Variants in MFSD8 observed in about 807,000 individuals in gnomAD.
MFSD8 encodes major facilitator superfamily domain containing 8.
In MFSD8, 55 loss-of-function variants were observed where a neutral mutation model predicts 66.4. The observed-to-expected ratio is 0.83, with a 90% CI of 0.67 to 1.04. The LOEUF (loss-of-function observed/expected upper bound fraction) is 1.04, where lower values mean the gene tolerates loss of function less well. Ranked by LOEUF, MFSD8 falls within the 50% of genes least tolerant of loss-of-function variation. The probability of loss-of-function intolerance (pLI) is 0.00; values close to 1 mark genes in which losing one functional copy is unlikely to be tolerated. For synonymous variants in MFSD8, 202 were observed against 212.8 expected, an observed-to-expected ratio of 0.95 and a Z score of 0.44; for missense variants, 550 against 627.6, an observed-to-expected ratio of 0.88 and a Z score of 1.32.
chr4:127,942,759 A>C (rs943836392), intron 4 of MFSD8, among the ~76,000 whole-genome samples: 1 of 152,210 alleles, frequency 6.6e-6, no homozygotes, highest in Non-Finnish European at 1.5e-5. Flanking sequence ...TTTTAAAAGA[A>C]AAGTATTACA....
intron 5 of MFSD8, among the ~76,000 whole-genome samples, chr4:127,941,784 G>A (rs767759409): frequency 2.0e-5 from 3 of 151,884 alleles, no homozygotes; most frequent in Non-Finnish European, 4.4e-5. Context: ...TTAACACTCA[G>A]CAAAAGGGTG....
At position 127,921,961 on chromosome 4, in the gene MFSD8, A is replaced by G. The variant is rs1232482449; in HGVS notation, c.1001T>C (p.Ile334Thr). 1.2e-6 allele frequency: 2 copies of G among 1,613,584 alleles called. No individual in the cohort carries two copies. Among genetic ancestry groups the G allele is most frequent in the Admixed American group, 3.3e-5 (2 of 59,992 alleles). ...TCCCAGTAGAATAGCACGCTCGCCA[A>G]TCCTGTTAAAGAACAGAAACTCTGT... ...FLGVKLLSKKIGERAILLGGL... is the reference protein window; with the variant it reads ...FLGVKLLSKKTGERAILLGGL... Residue 334 changes from isoleucine (I) to threonine (T), a missense_variant and splice_region_variant, in exon 10 of 12, where the codon ATT (isoleucine) becomes ACT (threonine). Transcript: ENST00000641686.
At chr4:127,938,591 AAAAATAAATAAATAAATAAAT>A (rs1560744624) in intron 7 of MFSD8, among the ~76,000 whole-genome samples, 171 bp downstream of exon 7, 1 of 138,270 alleles carries the variant, frequency 7.2e-6, no homozygotes, top group African/African-American at 3.0e-5. Flanking sequence ...TCAAAAAAAA[AAAAATAAATAAATAAATAAAT>A]AAATAAATAA....
At chr4:127,956,005 G>A (rs1560773911) in intron 2 of MFSD8, among the ~76,000 whole-genome samples, 1 of 152,014 alleles carries the variant, frequency 6.6e-6, no homozygotes, top group African/African-American at 2.4e-5. Flanking sequence ...TGTAGTCCCA[G>A]CTACTCGGGA....
chr4:127,924,190 G>A (rs1736822493), intron 9 of MFSD8, among the ~76,000 whole-genome samples: 1 of 152,126 alleles, frequency 6.6e-6, no homozygotes, highest in Non-Finnish European at 1.5e-5. Context: ...GGTCAATTCA[G>A]GGATTCGACT....
chr4:127,943,390 G>GTTTTT, intron 4 of MFSD8: 1 of 197,162 alleles, frequency 5.1e-6, no homozygotes, highest in Non-Finnish European at 1.0e-5. Flanking sequence ...TTTGTTTTGG[G>GTTTTT]TTTTTTTTTT....
At chr4:127,932,404 A>T (rs1356399315) in intron 8 of MFSD8, 1 of 152,434 alleles carries the variant, frequency 6.6e-6, no homozygotes, top group African/African-American at 2.4e-5. Flanking sequence ...GAAAAAACAC[A>T]AACTAAAGTA....
chr4:127,954,099 CA>C (rs1326021060), intron 2 of MFSD8, among the ~76,000 whole-genome samples: 1 of 152,152 alleles, frequency 6.6e-6, no homozygotes, highest in Non-Finnish European at 1.5e-5. Context: ...AAAACTATCA[CA>C]ATATTGATCA....
At chr4:127,963,292 A>G (rs1454179437) in intron 1 of MFSD8, among the ~76,000 whole-genome samples, 1 of 152,216 alleles carries the variant, frequency 6.6e-6, no homozygotes, top group Non-Finnish European at 1.5e-5. Flanking sequence ...TATCTATTAA[A>G]ACCATCATTT....
intron 6 of MFSD8, 38 bp from the exon 7 acceptor site, chr4:127,938,876 G>A: frequency 3.4e-6 from 5 of 1,479,154 alleles, no homozygotes; most frequent in Non-Finnish European, 4.7e-6. Context: ...CCTATAAAAT[G>A]CTTAATAGAG....
Position 127,943,835 on chromosome 4 carries a change from C to T in MFSD8, c.356G>A (p.Cys119Tyr). 3 of 1,614,134 alleles carry T rather than the reference C, an allele frequency of 1.9e-6. No homozygotes were observed. The highest frequency in any genetic ancestry group is 2.5e-6 in the Non-Finnish European group (3 of 1,180,028). ...TGGGATGTGGAGATATGCATAGAGG[C>T]AGTTGGCTGCCACGGAAATCAAGAT... ...VSILISVAANCLYAYLHIPAS... is the reference protein window; with the variant it reads ...VSILISVAANYLYAYLHIPAS... Residue 119 changes from cysteine to tyrosine, a missense_variant, in exon 4 of 12, where the codon TGC becomes TAC. Transcript: ENST00000641686.
intron 9 of MFSD8, among the ~76,000 whole-genome samples, chr4:127,928,905 G>A (rs534016702): frequency 2.6e-5 from 4 of 152,256 alleles, no homozygotes; most frequent in African/African-American, 9.6e-5. Flanking sequence ...TTCAGCCATT[G>A]AAACCATGAA....
chr4:127,937,033 CCT>C (rs1285579964), intron 7 of MFSD8, among the ~76,000 whole-genome samples: 2 of 152,206 alleles, frequency 1.3e-5, no homozygotes, highest in Non-Finnish European at 2.9e-5. Context: ...TGGCACTTCA[CCT>C]CTCATTCTTT....
intron 2 of MFSD8, among the ~76,000 whole-genome samples, chr4:127,951,592 C>A (rs1472997859): frequency 1.3e-5 from 2 of 152,018 alleles, no homozygotes; most frequent in Admixed American, 1.3e-4. Context: ...CAGCTATCAC[C>A]CTGTTTCATC....
intron 9 of MFSD8, among the ~76,000 whole-genome samples, chr4:127,929,411 T>C (rs986352629): frequency 7.3e-6 from 1 of 137,578 alleles, no homozygotes; most frequent in Non-Finnish European, 1.5e-5. Flanking sequence ...ATCTTGTCTC[T>C]ACAAAAAGTT....
Position 127,921,352 on chromosome 4 carries a change from C to A in MFSD8, c.1350+172G>T, listed in dbSNP as rs532734209. The A allele has an allele frequency of 3.2e-5, 35 of 1,110,784 alleles. No individual in the cohort carries two copies. In the East Asian group the frequency reaches 6.2e-4, roughly 20 times the overall value. The allele number at this position is 1,110,784 out of a possible 1,614,324, so 68.8% of individuals were successfully genotyped here. The stretch of plus-strand genomic sequence containing the variant: ...GTATCCAAAACTATAACCCACATAA[C>A]CTACCCAAGAATGAACTTTATAGAA... On this transcript the variant is annotated intron_variant, in intron 11 of 11. Transcript: ENST00000641686.
intron 5 of MFSD8, among the ~76,000 whole-genome samples, chr4:127,940,358 T>A (rs1470044973): frequency 3.3e-5 from 5 of 151,936 alleles, no homozygotes; most frequent in African/African-American, 4.8e-5. Flanking sequence ...AGGAATTGTA[T>A]CTTACATAAC....
At position 127,965,115 on chromosome 4, in the gene MFSD8, C is replaced by G; in HGVS notation, c.19G>C (p.Glu7Gln). The change falls in exon 1 of 12, where the codon GAA becomes CAA. Residue 7 changes from glutamate to glutamine, a missense_variant. Coordinates refer to ENST00000641686, the MANE Select transcript of MFSD8 (RefSeq NM_001371596.2). ...CCTAAGAGCGGCTCCTGTTCACTTT[C>G]GTTCCGCAGGCCGGCCATAGTTACA... MAGLRN[E>Q]SEQEPLLGDT... The G allele has an allele frequency of 1.2e-6, 2 of 1,613,952 alleles. No individual in the cohort carries two copies. The highest frequency in any genetic ancestry group is 2.2e-5 in the South Asian group (2 of 91,064).
At chr4:127,928,464 A>G (rs1737583030) in intron 9 of MFSD8, among the ~76,000 whole-genome samples, 1 of 152,182 alleles carries the variant, frequency 6.6e-6, no homozygotes, top group South Asian at 2.1e-4. Context: ...CTCAAAAGAC[A>G]TATAAAAGGC....
Sources: gnomAD v4.1 joint callset for allele counts (sites outside exome capture counted in the v4.1 genomes callset) on GRCh38, gnomAD v4.1.1 for gene constraint, MANE v1.5 for transcripts, NCBI Gene and HGNC (gene_info 2026-07-23, HGNC 2026-07-21) for gene names.